The following SHLD1 variants were observed in gnomAD, a reference collection of about 807,000 sequenced individuals.
The protein encoded by SHLD1 is RINN1-REV7-interacting novel NHEJ regulator 3.
In SHLD1, 3 loss-of-function variants were observed where a neutral mutation model predicts 5.5. That is an observed-to-expected ratio of 0.54 (90% CI 0.25 to 1.40). The LOEUF is 1.40. Among genes scored for constraint, SHLD1 ranks in the 40% most tolerant of loss-of-function variants. The probability of loss-of-function intolerance (pLI) is 0.15; values close to 1 mark genes in which losing one functional copy is unlikely to be tolerated. For synonymous variants in SHLD1, 92 were observed against 94.3 expected (o/e 0.98, Z 0.14); for missense variants, 210 against 244.4 (o/e 0.86, Z 0.94).
chr20:5,816,979 G>C (rs1221999127), intron 2 of SHLD1, among the ~76,000 whole-genome samples: 2 of 152,154 alleles, frequency 1.3e-5, no homozygotes, highest in Non-Finnish European at 2.9e-5. Flanking sequence ...TGAGGCAAGA[G>C]GATCACTTGA....
intron 2 of SHLD1, among the ~76,000 whole-genome samples, chr20:5,852,942 C>G (rs144249337): frequency 1.3e-5 from 2 of 152,252 alleles, no homozygotes; most frequent in African/African-American, 4.8e-5. Context: ...GAAGTGGTTA[C>G]CTTTGTTTCA....
chr20:5,759,282 G>T (rs1224205944), intron 1 of SHLD1, among the ~76,000 whole-genome samples: 3 of 147,204 alleles, frequency 2.0e-5, no homozygotes, highest in African/African-American at 7.5e-5. Flanking sequence ...TTTTTTTTTT[G>T]AAAGTCTTGC....
intron 2 of SHLD1, among the ~76,000 whole-genome samples, chr20:5,856,719 C>T (rs1031547934): frequency 2.0e-5 from 3 of 152,150 alleles, no homozygotes; most frequent in African/African-American, 7.2e-5. Context: ...TTCACCTTGT[C>T]ATTTTCATGC....
At chr20:5,786,963 T>C (rs553365762) in intron 2 of SHLD1, among the ~76,000 whole-genome samples, 1 of 152,362 alleles carries the variant, frequency 6.6e-6, no homozygotes, top group South Asian at 2.1e-4. Context: ...CTGCTATTTC[T>C]GCTGTTGTAG....
intron 2 of SHLD1, among the ~76,000 whole-genome samples, chr20:5,856,371 T>A (rs1051628435): frequency 1.1e-4 from 17 of 152,172 alleles, no homozygotes; most frequent in African/African-American, 4.1e-4. Context: ...ATGCAGCCCA[T>A]AGGGCTGGGC....
intron 1 of SHLD1, among the ~76,000 whole-genome samples, chr20:5,752,264 C>T (rs773164242): frequency 5.9e-5 from 9 of 152,062 alleles, no homozygotes; most frequent in Non-Finnish European, 7.4e-5. Context: ...GGCACGGTGG[C>T]GTGCGCCTGT....
chr20:5,843,423 C>T lies in SHLD1; in HGVS notation c.179-19601C>T, dbSNP rs188929562. On this transcript the variant is annotated intron_variant, in intron 2 of 2. Coordinates refer to ENST00000303142, the MANE Select transcript of SHLD1 (RefSeq NM_152504.4). ...TTTTGTTTGTTTTGTTTTACTATAACCTTTTACAAGGCGTATTTTGTTCTC... is the reference window on the plus strand; with the variant it reads ...TTTTGTTTGTTTTGTTTTACTATAATCTTTTACAAGGCGTATTTTGTTCTC... Among the ~76,000 whole-genome samples, 202 of 151,532 alleles carry T rather than the reference C, an allele frequency of 1.3e-3. 1 individual carries two copies. Among genetic ancestry groups the T allele is most frequent in the African/African-American group, 4.8e-3 (199 of 41,248 alleles).
intron 2 of SHLD1, among the ~76,000 whole-genome samples, chr20:5,773,986 C>T (rs1264640362): frequency 6.6e-6 from 1 of 152,026 alleles, no homozygotes; most frequent in Non-Finnish European, 1.5e-5. Context: ...GGTGGATCAC[C>T]TAAGGTCAGG....
chr20:5,845,473 G>C (rs1479420260), intron 2 of SHLD1, among the ~76,000 whole-genome samples: 1 of 152,172 alleles, frequency 6.6e-6, no homozygotes, highest in Non-Finnish European at 1.5e-5. Flanking sequence ...GACAAAACCA[G>C]ATTTCTGATC....
At chr20:5,755,994 A>G (rs1378539031) in intron 1 of SHLD1, among the ~76,000 whole-genome samples, 1 of 152,186 alleles carries the variant, frequency 6.6e-6, no homozygotes, top group Non-Finnish European at 1.5e-5. Flanking sequence ...ATGTGATGCT[A>G]TACCAGAGTC....
chr20:5,777,761 A>G (rs1985498536), intron 2 of SHLD1, among the ~76,000 whole-genome samples: 1 of 152,084 alleles, frequency 6.6e-6, no homozygotes, highest in Non-Finnish European at 1.5e-5. Context: ...GAAGAAAAAG[A>G]AAGCTTTTTC....
intron 2 of SHLD1, among the ~76,000 whole-genome samples, chr20:5,848,209 T>C (rs983954101): frequency 3.9e-5 from 6 of 152,160 alleles, no homozygotes; most frequent in Non-Finnish European, 8.8e-5. Flanking sequence ...TACATATATA[T>C]GTGTGTGTAT....
At chr20:5,858,227 G>A (rs1007192828) in intron 2 of SHLD1, among the ~76,000 whole-genome samples, 1 of 152,152 alleles carries the variant, frequency 6.6e-6, no homozygotes, top group South Asian at 2.1e-4. Flanking sequence ...TGGGTGGGTG[G>A]CTATTGATTC....
chr20:5,842,639 G>A (rs760117270), intron 2 of SHLD1, among the ~76,000 whole-genome samples: 12 of 152,200 alleles, frequency 7.9e-5, no homozygotes, highest in African/African-American at 1.2e-4. Context: ...TTACATGCAT[G>A]TTGGACCATC....
chr20:5,784,112 C>T (rs1380886959), intron 2 of SHLD1, among the ~76,000 whole-genome samples: 3 of 149,626 alleles, frequency 2.0e-5, no homozygotes, highest in African/African-American at 2.5e-5. Flanking sequence ...GATGGCGCCA[C>T]GGGCACTCCA....
chr20:5,844,062 T>C (rs181679879), intron 2 of SHLD1, among the ~76,000 whole-genome samples: 68 of 152,354 alleles, frequency 4.5e-4, no homozygotes, highest in African/African-American at 1.5e-3. Context: ...TCCAATGTTA[T>C]GTGCTTCAGG....
intron 1 of SHLD1, among the ~76,000 whole-genome samples, chr20:5,771,297 CT>C (rs1985139513): frequency 6.6e-6 from 1 of 152,180 alleles, no homozygotes; most frequent in Admixed American, 6.5e-5. Context: ...TGTATGGTAT[CT>C]TTTCTCCTTA....
At chr20:5,856,966 T>C (rs908646721) in intron 2 of SHLD1, among the ~76,000 whole-genome samples, 1 of 152,120 alleles carries the variant, frequency 6.6e-6, no homozygotes. Flanking sequence ...TGTTTGTTTG[T>C]TTTTGTTTCT....
intron 1 of SHLD1, among the ~76,000 whole-genome samples, chr20:5,759,902 C>T (rs943498289): frequency 1.8e-4 from 28 of 151,958 alleles, no homozygotes; most frequent in African/African-American, 6.5e-4. Flanking sequence ...ACAAAGAGTT[C>T]CCAAATAATG....
Sources: allele counts gnomAD v4.1 joint callset (sites outside exome capture counted in the v4.1 genomes callset), GRCh38; gene constraint gnomAD v4.1.1; transcripts MANE v1.5; gene names NCBI Gene and HGNC (gene_info 2026-07-23, HGNC 2026-07-21).